SGSM3: variants seen among roughly 807,000 people sequenced by gnomAD.
SGSM3 encodes RUN and SH3 containing 3.
Under a neutral mutation model 100.5 loss-of-function variants are expected in SGSM3, and 96 were observed. The ratio of observed to expected loss-of-function variants is 0.96; its 90% CI spans 0.81 to 1.13. The LOEUF (loss-of-function observed/expected upper bound fraction) is 1.13. Among genes scored for constraint, SGSM3 ranks in the 50% most tolerant of loss-of-function variants. SGSM3 has a pLI of 0.00. For synonymous variants in SGSM3, 483 were observed against 422.8 expected, an observed-to-expected ratio of 1.14 and a Z score of -1.75; for missense variants, 1,001 against 1,015.8, an observed-to-expected ratio of 0.99 and a Z score of 0.20.
chr22:40,402,193 G>A lies in SGSM3; in HGVS notation c.145G>A (p.Val49Met). ...CTACTACGATGAGTTTGGTTTCCGTGTGTACAAGGAAGGTAAACTTGAGCC... is the reference window on the plus strand; with the variant it reads ...CTACTACGATGAGTTTGGTTTCCGTATGTACAAGGAAGGTAAACTTGAGCC... ...EFYYDEFGFR[V>M]YKEEGDEPGS... The change falls in exon 4 of 22, where the codon GTG (valine) becomes ATG (methionine). Residue 49 changes from valine to methionine, a missense_variant. By Grantham distance (21) the Val-to-Met change is conservative. Transcript: ENST00000248929. 6.2e-7 allele frequency: 1 copy of A among 1,613,670 alleles called. No homozygotes were observed.
intron 1 of SGSM3, chr22:40,373,439 A>C (rs2045951403): frequency 6.6e-6 from 1 of 151,776 alleles, no homozygotes; most frequent in African/African-American, 2.4e-5. Context: ...TGTTGAAACT[A>C]CTCTCATGAA....
intron 1 of SGSM3, among the ~76,000 whole-genome samples, chr22:40,398,815 C>T (rs1201876356): frequency 7.1e-6 from 1 of 140,882 alleles, no homozygotes; most frequent in Non-Finnish European, 1.5e-5. Flanking sequence ...GCCTTATTTG[C>T]ATCAGCTCAC....
rs1398683894 is a variant in SGSM3 at position 40,404,297 on chromosome 22, G to A, written c.208G>A (p.Asp70Asn). ...GCTGGCGAACTCCCCTCTGATGGAG[G>A]ATGCTCCACAGAGGCTGCGGTGGCA... Reference protein sequence around the residue: ...SLLANSPLMEDAPQRLRWQAH... With the variant: ...SLLANSPLMENAPQRLRWQAH... Residue 70 changes from aspartate (D) to asparagine (N), a missense_variant, in exon 5 of 22, where the codon GAT (aspartate) becomes AAT (asparagine). Asp to Asn is a conservative substitution (Grantham distance 23). Coordinates refer to ENST00000248929, the MANE Select transcript of SGSM3 (RefSeq NM_015705.6). 1.3e-6 allele frequency: 2 copies of A among 1,547,732 alleles called. No homozygotes were observed. The highest frequency in any genetic ancestry group is 8.7e-7 in the Non-Finnish European group (1 of 1,146,290).
chr22:40,390,693 T>A (rs1471659396), intron 1 of SGSM3, among the ~76,000 whole-genome samples: 3 of 151,864 alleles, frequency 2.0e-5, no homozygotes, highest in African/African-American at 7.3e-5. Flanking sequence ...TATAGATGGG[T>A]TTGTTGGGGG....
At chr22:40,388,000 TAC>T (rs2048749432) in intron 1 of SGSM3, 1 of 152,190 alleles carries the variant, frequency 6.6e-6, no homozygotes, top group Non-Finnish European at 1.5e-5. Flanking sequence ...TGTTCTCCCT[TAC>T]ACAGTCACAC....
intron 1 of SGSM3, chr22:40,388,280 G>C (rs1244740916): frequency 1.3e-5 from 2 of 152,236 alleles, no homozygotes; most frequent in African/African-American, 4.8e-5. Context: ...TAACCGGAGG[G>C]GGAGTCAGTT....
chr22:40,379,861 C>A (rs2047272944), intron 1 of SGSM3, among the ~76,000 whole-genome samples: 1 of 152,070 alleles, frequency 6.6e-6, no homozygotes, highest in Non-Finnish European at 1.5e-5. Context: ...AGATTTGCAC[C>A]ACCACGCCCA....
At position 40,407,554 on chromosome 22, in the gene SGSM3, AACG is replaced by A. The variant is rs2044898121; in HGVS notation, c.1513_1515del (p.Asp505del). 4 of 1,603,996 alleles carry A rather than the reference AACG, an allele frequency of 2.5e-6. No individual in the cohort carries two copies. Among genetic ancestry groups the A allele is most frequent in the Non-Finnish European group, 2.5e-6 (3 of 1,179,838 alleles). ...CGACGACGAGCTGGGCTTCCGCAAG[AACG>A]ACATCATCACAGTGCGTGGGGGCGC... On this transcript the variant is annotated inframe_deletion, in exon 13 of 22. Transcript: ENST00000248929. This position sits in a 1 kb window ranked among gnomAD's most constrained non-coding sequence, Gnocchi z 4.7.
chr22:40,406,556 C>A lies in SGSM3; in HGVS notation c.1079C>A (p.Ser360Tyr). Residue 360 changes from serine to tyrosine, a missense_variant, in exon 10 of 22, where the codon TCC becomes TAC. Coordinates refer to ENST00000248929, the MANE Select transcript of SGSM3 (RefSeq NM_015705.6). ...LLGVAMRLAG[S>Y]LTDVAVETQR... ...GGGGTGGCCATGCGGCTGGCCGGCT[C>A]CCTCACCGATGTGGCCGTGGAGACT... The A allele has an allele frequency of 1.2e-6, 2 of 1,612,976 alleles. No individual in the cohort carries two copies. Among genetic ancestry groups the A allele is most frequent in the Non-Finnish European group, 1.7e-6 (2 of 1,179,892 alleles).
intron 1 of SGSM3, among the ~76,000 whole-genome samples, chr22:40,385,486 C>T (rs2048268446): frequency 6.6e-6 from 1 of 152,050 alleles, no homozygotes; most frequent in Non-Finnish European, 1.5e-5. Context: ...GAAAGGTTCT[C>T]GTGGGTGGAG....
Position 40,407,205 on chromosome 22 carries a change from G to C in SGSM3, c.1245G>C (p.Glu415Asp). The C allele has an allele frequency of 6.2e-7, 1 of 1,613,624 alleles. No homozygotes were observed. The highest frequency in any genetic ancestry group is 8.5e-7 in the Non-Finnish European group (1 of 1,179,948). Residue 415 changes from glutamate (E) to aspartate (D), a missense_variant, in exon 12 of 22, where the codon GAG (glutamate) becomes GAC (aspartate). Transcript: ENST00000248929. This position sits in a 1 kb window ranked among gnomAD's most constrained non-coding sequence, Gnocchi z 4.7. ...ATGGTTCTCTGGGCCTCCTAGGGGA[G>C]GATGACCTGGAGGCACTCAAGGCCA... The part of the protein sequence containing the change: ...KSTITALLFG[E>D]DDLEALKAKN...
rs758704045 is a variant in SGSM3, at chr22:40,407,768, G to A, written c.1525-21G>A. The A allele has an allele frequency of 2.5e-6, 4 of 1,613,886 alleles. No homozygotes were observed. The highest frequency in any genetic ancestry group is 3.4e-6 in the Non-Finnish European group (4 of 1,179,966). ...CCCAGGGCACCCAGCTTTGGTTCCTGCTGTTTTTCCTCCTGTGCAGATCGT... is the reference window on the plus strand; with the variant it reads ...CCCAGGGCACCCAGCTTTGGTTCCTACTGTTTTTCCTCCTGTGCAGATCGT... On this transcript the variant is annotated intron_variant, in intron 13 of 21. Coordinates refer to ENST00000248929, the MANE Select transcript of SGSM3 (RefSeq NM_015705.6). This position sits in a 1 kb window ranked among gnomAD's most constrained non-coding sequence, Gnocchi z 4.7.
chr22:40,407,282 G>A lies in SGSM3; in HGVS notation c.1322G>A (p.Arg441His), dbSNP rs371516999. The change falls in exon 12 of 22, where the codon CGC (arginine) becomes CAC (histidine). Residue 441 changes from arginine (R) to histidine (H), a missense_variant. Transcript: ENST00000248929. This position sits in a 1 kb window ranked among gnomAD's most constrained non-coding sequence, Gnocchi z 4.7. ...GCTGACCTCCGGGAAGCCATCCTGC[G>A]CGTGGCACGCCACTTCCAGTGCACA... ...LVADLREAIL[R>H]VARHFQCTDP... The A allele has an allele frequency of 2.7e-5, 44 of 1,613,468 alleles. No homozygotes were observed. Among genetic ancestry groups the A allele is most frequent in the Middle Eastern group, 1.6e-4 (1 of 6,084 alleles).
At chr22:40,394,059 A>G (rs1313265354) in intron 1 of SGSM3, among the ~76,000 whole-genome samples, 1 of 151,962 alleles carries the variant, frequency 6.6e-6, no homozygotes, top group Non-Finnish European at 1.5e-5. Flanking sequence ...CTAACTTCTA[A>G]ATGTTGGAGT....
In SGSM3 at chr22:40,409,807, G is replaced by A. The variant is rs1311632682; in HGVS notation, c.*48G>A. 3.8e-6 allele frequency: 6 copies of A among 1,584,842 alleles called. No homozygotes were observed. Among genetic ancestry groups the A allele is most frequent in the African/African-American group, 1.3e-5 (1 of 74,384 alleles). On this transcript the variant is annotated 3_prime_UTR_variant, in exon 22 of 22. Coordinates refer to ENST00000248929, the MANE Select transcript of SGSM3 (RefSeq NM_015705.6). The stretch of plus-strand genomic sequence containing the variant: ...TCGGGCCTGCGTCTGAGGTGGCCCA[G>A]GACCCCAAGCTGCAGAGCCCAGGGA...
Position 40,408,276 on chromosome 22 carries a change from G to A in SGSM3, c.1630-1G>A. ...TTTCTCAGACCCATCCCTCCCATCAGTACTCCATCGCGGGGGATGACTCGG... is the reference window on the plus strand; with the variant it reads ...TTTCTCAGACCCATCCCTCCCATCAATACTCCATCGCGGGGGATGACTCGG... On this transcript the variant is annotated splice_acceptor_variant, in intron 15 of 21. Transcript: ENST00000248929. LOFTEE classifies it high-confidence loss of function. 2 of 1,613,504 alleles carry A rather than the reference G, an allele frequency of 1.2e-6. No individual in the cohort carries two copies. The highest frequency in any genetic ancestry group is 1.7e-6 in the Non-Finnish European group (2 of 1,179,956).
chr22:40,408,136 G>A lies in SGSM3; in HGVS notation c.1629+16G>A, dbSNP rs375594280. The A allele has an allele frequency of 1.9e-5, 31 of 1,609,444 alleles. No homozygotes were observed. Among genetic ancestry groups the A allele is most frequent in the East Asian group, 1.6e-4 (7 of 44,850 alleles). On this transcript the variant is annotated intron_variant, in intron 15 of 21. Coordinates refer to ENST00000248929, the MANE Select transcript of SGSM3 (RefSeq NM_015705.6). ...CAGCAAAGAGGTGAGGGGGGTGGGC[G>A]GGCTAGGCACGGCTGGCACCCTTCT... is the stretch of plus-strand genomic sequence containing the variant.
chr22:40,400,675 TC>T lies in SGSM3; in HGVS notation c.-111-19del. On this transcript the variant is annotated intron_variant, in intron 1 of 21. Transcript: ENST00000248929. ...AATAAAAATAAAAATAGAATGACTT[TC>T]CTCTTTTCTCTTCTAACAGGGCAGA... 1.1e-6 allele frequency: 1 copy of T among 886,796 alleles called. No individual in the cohort carries two copies. Among genetic ancestry groups the T allele is most frequent in the Non-Finnish European group, 1.8e-6 (1 of 568,904 alleles). The allele number at this position is 886,796 out of a possible 1,614,324, so 54.9% of individuals were successfully genotyped here.
chr22:40,401,987 GTAACCAGAGGCGGCTT>G (rs2050816168), intron 3 of SGSM3, 136 bp from the exon 4 acceptor site: 2 of 642,112 alleles, frequency 3.1e-6, no homozygotes, highest in East Asian at 5.4e-5. Flanking sequence ...AGGTTGCGTG[GTAACCAGAGGCGGCTT>G]TTGGAAGAGT....
Sources: gnomAD v4.1 joint callset for allele counts (sites outside exome capture counted in the v4.1 genomes callset) on GRCh38, gnomAD v4.1.1 for gene constraint, Gnocchi (gnomAD v3.1) non-coding constraint, MANE v1.5 for transcripts, NCBI Gene and HGNC (gene_info 2026-07-23, HGNC 2026-07-21) for gene names.